FANCC: variants seen among roughly 807,000 people sequenced by gnomAD.
FANCC encodes Fanconi anemia group C protein.
FANCC carries 55 observed loss-of-function variants against 71.3 expected under a neutral mutation model. The ratio of observed to expected loss-of-function variants is 0.77; its 90% CI spans 0.62 to 0.97. The LOEUF (loss-of-function observed/expected upper bound fraction) is 0.97, where lower values mean the gene tolerates loss of function less well. FANCC is among the 50% of genes least tolerant of loss of function. The probability of loss-of-function intolerance (pLI) is 0.00; values close to 1 mark genes in which losing one functional copy is unlikely to be tolerated. For missense variants in FANCC, 678 were observed against 670.9 expected (o/e 1.01, Z -0.12); for synonymous variants, 275 against 244.9 (o/e 1.12, Z -1.15).
At chr9:95,252,531 G>A (rs1432889478) in intron 1 of FANCC, among the ~76,000 whole-genome samples, 1 of 151,730 alleles carries the variant, frequency 6.6e-6, no homozygotes, top group African/African-American at 2.4e-5. Context: ...CGGATCACGA[G>A]GTCAGGAGAT....
chr9:95,204,642 G>A (rs930333220), intron 4 of FANCC, among the ~76,000 whole-genome samples: 8 of 152,032 alleles, frequency 5.3e-5, no homozygotes, highest in African/African-American at 1.2e-4. Flanking sequence ...CAAAATCCTC[G>A]CTTTTGATAT....
At chr9:95,106,933 C>T (rs1168436982) in intron 14 of FANCC, 133 bp downstream of exon 14, 3 of 878,220 alleles carry the variant, frequency 3.4e-6, no homozygotes, top group Non-Finnish European at 5.5e-6. Flanking sequence ...CTGTCAACCT[C>T]CTTGACCATT....
chr9:95,108,319 C>A (rs902886335), intron 13 of FANCC, among the ~76,000 whole-genome samples: 3 of 152,228 alleles, frequency 2.0e-5, no homozygotes, highest in African/African-American at 7.2e-5. Flanking sequence ...CCCCACCTCG[C>A]CCCTCAGCCG....
intron 4 of FANCC, among the ~76,000 whole-genome samples, chr9:95,215,773 G>A (rs560362033): frequency 2.6e-5 from 4 of 152,202 alleles, no homozygotes; most frequent in Non-Finnish European, 4.4e-5. Context: ...GCTGACAGTC[G>A]GTATCAACTA....
intron 4 of FANCC, among the ~76,000 whole-genome samples, chr9:95,220,561 C>T (rs2135933820): frequency 6.6e-6 from 1 of 152,282 alleles, no homozygotes; most frequent in Non-Finnish European, 1.5e-5. Context: ...TGTTCATGTC[C>T]TTTGTAGGGA....
chr9:95,150,918 A>G (rs771723097), intron 6 of FANCC, among the ~76,000 whole-genome samples: 5 of 152,146 alleles, frequency 3.3e-5, no homozygotes, highest in South Asian at 2.1e-4. Flanking sequence ...ATGTCACTAT[A>G]CTGTCTACCA....
intron 8 of FANCC, among the ~76,000 whole-genome samples, chr9:95,128,772 C>T (rs927479479): frequency 7.2e-5 from 11 of 152,324 alleles, no homozygotes; most frequent in African/African-American, 1.9e-4. Context: ...TTCTTTCTTT[C>T]CAAATATTTC....
At chr9:95,282,033 G>A (rs1356885966) in intron 1 of FANCC, among the ~76,000 whole-genome samples, 1 of 151,238 alleles carries the variant, frequency 6.6e-6, no homozygotes, top group East Asian at 1.9e-4. Flanking sequence ...TAAAATGACA[G>A]TAGTAAATCC....
intron 10 of FANCC, among the ~76,000 whole-genome samples, chr9:95,119,188 T>C (rs2072670043): frequency 6.6e-6 from 1 of 152,360 alleles, no homozygotes; most frequent in Middle Eastern, 3.4e-3. Context: ...TGCCAACTTA[T>C]GTATCTTTTT....
chr9:95,141,480 G>A (rs907394689), intron 7 of FANCC, among the ~76,000 whole-genome samples: 6 of 151,988 alleles, frequency 3.9e-5, no homozygotes, highest in African/African-American at 9.7e-5. Flanking sequence ...TCACCTATAT[G>A]ATTTGACAAC....
At chr9:95,159,336 T>A (rs1373642286) in intron 6 of FANCC, among the ~76,000 whole-genome samples, 2 of 152,230 alleles carry the variant, frequency 1.3e-5, no homozygotes, top group African/African-American at 4.8e-5. Flanking sequence ...TCCAGCTACA[T>A]CCATGTCCAT....
intron 14 of FANCC, among the ~76,000 whole-genome samples, chr9:95,102,942 G>A (rs556627033): frequency 2.0e-5 from 3 of 152,314 alleles, no homozygotes; most frequent in South Asian, 4.1e-4. Flanking sequence ...CAGCCAGCAC[G>A]GGGGCTCCGG....
rs1420145067 is a variant in FANCC, at chr9:95,292,690, T to G, written c.-79+24836A>C. Reference sequence around the variant, plus strand: ...ATGCAGTATAGCACAGTCAATCCAATAATAAGAAAAGATTTGAAAACTGTA... The same window carrying G: ...ATGCAGTATAGCACAGTCAATCCAAGAATAAGAAAAGATTTGAAAACTGTA... On this transcript the variant is annotated intron_variant, in intron 1 of 14. Coordinates refer to ENST00000289081, the MANE Select transcript of FANCC (RefSeq NM_000136.3). 5 of 1,326,374 alleles carry G rather than the reference T, an allele frequency of 3.8e-6. No individual in the cohort carries two copies. The African/African-American group carries it at 7.2e-5, about 19-fold the overall frequency. 82.2% of individuals were successfully genotyped at this position (1,326,374 alleles called of 1,614,324 possible). A position where few individuals can be genotyped will look rare whatever the true frequency, so the allele number is the denominator to read the frequency against.
At chr9:95,189,491 T>G (rs539145344) in intron 4 of FANCC, among the ~76,000 whole-genome samples, 1 of 152,020 alleles carries the variant, frequency 6.6e-6, no homozygotes, top group South Asian at 2.1e-4. Context: ...CTTTTACTTT[T>G]GCTTACAGAA....
chr9:95,193,581 G>A (rs1243449595), intron 4 of FANCC, among the ~76,000 whole-genome samples: 2 of 152,204 alleles, frequency 1.3e-5, no homozygotes, highest in Non-Finnish European at 2.9e-5. Flanking sequence ...CATGAGTTAT[G>A]CTTTACAAAA....
chr9:95,199,086 A>G (rs1827643067), intron 4 of FANCC, among the ~76,000 whole-genome samples: 1 of 152,068 alleles, frequency 6.6e-6, no homozygotes, highest in Non-Finnish European at 1.5e-5. Context: ...GAGTATTTTG[A>G]ATTTCATTTC....
At chr9:95,125,724 T>C (rs1176281028) in intron 9 of FANCC, among the ~76,000 whole-genome samples, 1 of 152,224 alleles carries the variant, frequency 6.6e-6, no homozygotes, top group Non-Finnish European at 1.5e-5. Context: ...TTCTGACTAC[T>C]GGTGAGTTAT....
At chr9:95,174,752 T>A (rs1201351666) in intron 4 of FANCC, among the ~76,000 whole-genome samples, 4 of 152,212 alleles carry the variant, frequency 2.6e-5, no homozygotes, top group South Asian at 4.1e-4. Context: ...TGTAACTTCA[T>A]ACACAAATAC....
At chr9:95,314,067 GGGTCGAACCA>G (rs1234456239) in intron 1 of FANCC, among the ~76,000 whole-genome samples, 1 of 152,134 alleles carries the variant, frequency 6.6e-6, no homozygotes, top group Non-Finnish European at 1.5e-5. Flanking sequence ...AAGTGCTGGA[GGGTCGAACCA>G]GGTAAGAAAA....
Sources: allele counts gnomAD v4.1 joint callset (sites outside exome capture counted in the v4.1 genomes callset), GRCh38; gene constraint gnomAD v4.1.1; transcripts MANE v1.5; gene names NCBI Gene and HGNC (gene_info 2026-07-23, HGNC 2026-07-21).